ZFYVE28: variants seen among roughly 807,000 people sequenced by gnomAD.
ZFYVE28 encodes the protein zinc finger FYVE-type containing 28, also known as lateral signaling target protein 2 homolog.
A neutral mutation model predicts 82.1 loss-of-function variants in ZFYVE28; 40 were observed. The ratio of observed to expected loss-of-function variants is 0.49; its 90% CI spans 0.38 to 0.63. The LOEUF (loss-of-function observed/expected upper bound fraction) is 0.63. Among genes scored for constraint, ZFYVE28 ranks in the 30% least tolerant of loss-of-function variants. The pLI, the probability that ZFYVE28 is intolerant of heterozygous loss-of-function variation, is 0.00. For missense variants in ZFYVE28, 1,321 were observed against 1,242.1 expected (o/e 1.06, Z -0.96); for synonymous variants, 612 against 546.1 (o/e 1.12, Z -1.68).
At chr4:2,313,521 G>A (rs139652219) in intron 7 of ZFYVE28, among the ~76,000 whole-genome samples, 1,608 of 152,218 alleles carry the variant, frequency 0.011, 35 homozygotes, top group African/African-American at 0.037. Flanking sequence ...GCCTCCCAAA[G>A]TGCTGGGACT....
At chr4:2,299,817 G>T (rs1030315384) in intron 8 of ZFYVE28, among the ~76,000 whole-genome samples, 18 of 151,442 alleles carry the variant, frequency 1.2e-4, no homozygotes, top group South Asian at 2.1e-4. Flanking sequence ...TTTTTAAAAA[G>T]ATAGGGTCTT....
chr4:2,316,840 G>A (rs771907012), intron 7 of ZFYVE28, among the ~76,000 whole-genome samples: 4 of 151,924 alleles, frequency 2.6e-5, no homozygotes, highest in African/African-American at 7.3e-5. Flanking sequence ...CTACAGGTGC[G>A]CACCACCATG....
At position 2,320,384 on chromosome 4, in the gene ZFYVE28, A is replaced by G. The variant is rs1223190355; in HGVS notation, c.702-113T>C. On this transcript the variant is annotated intron_variant, in intron 6 of 12. Transcript: ENST00000290974. The surrounding 1 kb of genome is among the most constrained non-coding windows in gnomAD (Gnocchi z 5.1). Reference sequence around the variant, plus strand: ...ACGCCCGCTGGGACTCTGCAGCGCCACTGTCCCAGCACGGCCGCCGCCTCA... The same window carrying G: ...ACGCCCGCTGGGACTCTGCAGCGCCGCTGTCCCAGCACGGCCGCCGCCTCA... 4.8e-6 allele frequency: 4 copies of G among 833,008 alleles called. No individual in the cohort carries two copies. The highest frequency in any genetic ancestry group is 7.7e-6 in the Non-Finnish European group (4 of 522,588). The allele number at this position is 833,008 out of a possible 1,614,324, so 51.6% of individuals were successfully genotyped here. A position where few individuals can be genotyped will look rare whatever the true frequency, so the allele number is the denominator to read the frequency against.
chr4:2,360,715 T>C (rs1460160882), intron 1 of ZFYVE28, among the ~76,000 whole-genome samples: 1 of 152,086 alleles, frequency 6.6e-6, no homozygotes, highest in East Asian at 1.9e-4. Context: ...AGAAGAAAAT[T>C]TGGGGTACTA....
intron 1 of ZFYVE28, among the ~76,000 whole-genome samples, chr4:2,398,071 T>C (rs1050067473): frequency 6.6e-6 from 1 of 150,698 alleles, no homozygotes; most frequent in Non-Finnish European, 1.5e-5. Flanking sequence ...ATGGAGACAA[T>C]AAGGAGGCAG....
chr4:2,304,355 T>C lies in ZFYVE28; in HGVS notation c.1985A>G (p.Glu662Gly), dbSNP rs769620074. The part of the protein sequence containing the change: ...EAGVAGQQEP[E>G]ARELHAGSPS... ...GCTCCCAGCATGCAGCTCTCTGGCC[T>C]CTGGCTCCTGCTGACCTGCAACCCC... The change falls in exon 8 of 13, where the codon GAG becomes GGG. Residue 662 changes from glutamate (E) to glycine (G), a missense_variant. Physicochemically the swap from Glu to Gly is moderately conservative, Grantham distance 98 (BLOSUM62 -2). This residue lies in a region of ZFYVE28 where 978 missense variants were observed against 833.7 expected (regional missense o/e 1.17). Coordinates refer to ENST00000290974, the MANE Select transcript of ZFYVE28 (RefSeq NM_020972.3). 2 of 1,609,582 alleles carry C rather than the reference T, an allele frequency of 1.2e-6. No homozygotes were observed. Among genetic ancestry groups the C allele is most frequent in the Admixed American group, 1.7e-5 (1 of 60,012 alleles).
intron 8 of ZFYVE28, among the ~76,000 whole-genome samples, chr4:2,298,808 G>A (rs549829157): frequency 1.3e-5 from 2 of 152,172 alleles, no homozygotes; most frequent in Non-Finnish European, 2.9e-5. Flanking sequence ...GTGTCAGGAC[G>A]GCCACAGCCT....
chr4:2,354,633 AT>A (rs1223269946), intron 1 of ZFYVE28, among the ~76,000 whole-genome samples: 1 of 151,748 alleles, frequency 6.6e-6, no homozygotes, highest in Non-Finnish European at 1.5e-5. Context: ...TAATTTTTGT[AT>A]TTTTAGTAGA....
rs371533868 is a variant in ZFYVE28 at position 2,418,268 on chromosome 4, C to T, written c.39+17G>A. 6.5e-7 allele frequency: 1 copy of T among 1,534,492 alleles called. No homozygotes were observed. The highest frequency in any genetic ancestry group is 1.4e-5 in the African/African-American group (1 of 71,622). On this transcript the variant is annotated intron_variant, in intron 1 of 12. Coordinates refer to ENST00000290974, the MANE Select transcript of ZFYVE28 (RefSeq NM_020972.3). This position sits in a 1 kb window ranked among gnomAD's most constrained non-coding sequence, Gnocchi z 4.6. ...GCCGCGACGCGGGGGGCGTCCGGCC[C>T]GAGCGGGGCCGCTCACCTTGGGTTT...
Position 2,409,007 on chromosome 4 carries a change from T to A in ZFYVE28, c.39+9278A>T, listed in dbSNP as rs1005756017. Reference sequence around the variant, plus strand: ...CTCAGTACTTTTAAAAATGTTTTTGTGATTTTATCCAACATGCCTGGGCAT... The same window carrying A: ...CTCAGTACTTTTAAAAATGTTTTTGAGATTTTATCCAACATGCCTGGGCAT... On this transcript the variant is annotated intron_variant, in intron 1 of 12. Coordinates refer to ENST00000290974, the MANE Select transcript of ZFYVE28 (RefSeq NM_020972.3). The surrounding 1 kb of genome is among the most constrained non-coding windows in gnomAD (Gnocchi z 4.4). 2.6e-5 allele frequency among the ~76,000 whole-genome samples: 4 copies of A among 152,190 alleles called. No homozygotes were observed. Among genetic ancestry groups the A allele is most frequent in the African/African-American group, 9.7e-5 (4 of 41,424 alleles).
Position 2,331,003 on chromosome 4 carries a change from G to A in ZFYVE28, c.701+4702C>T, listed in dbSNP as rs1720598672. ...CGGCAACCATCCTGCAGGCCACGTG[G>A]GCGGTGGCTCCTGCACGTGTTCTGG... On this transcript the variant is annotated intron_variant, in intron 6 of 12. Coordinates refer to ENST00000290974, the MANE Select transcript of ZFYVE28 (RefSeq NM_020972.3). The A allele has an allele frequency of 2.6e-6, 4 of 1,534,316 alleles. No individual in the cohort carries two copies. The East Asian group carries it at 9.8e-5, about 38-fold the overall frequency.
At chr4:2,401,735 C>A (rs1731203277) in intron 1 of ZFYVE28, among the ~76,000 whole-genome samples, 1 of 152,186 alleles carries the variant, frequency 6.6e-6, no homozygotes, top group Non-Finnish European at 1.5e-5. Flanking sequence ...CCAAGAACCT[C>A]TATGACCCCC....
chr4:2,341,974 G>A lies in ZFYVE28; in HGVS notation c.181-359C>T, dbSNP rs1359649716. Among the ~76,000 whole-genome samples, 1 of 152,190 alleles carries A rather than the reference G, an allele frequency of 6.6e-6. No individual in the cohort carries two copies. The highest frequency in any genetic ancestry group is 2.4e-5 in the African/African-American group (1 of 41,450). On this transcript the variant is annotated intron_variant, in intron 2 of 12. Transcript: ENST00000290974. The surrounding 1 kb of genome is among the most constrained non-coding windows in gnomAD (Gnocchi z 4.5). ...GGCAGAGGTTGCAGTGAGCCGAGAT[G>A]GTGCCATCGCACTCCAGCCAGGGCA...
At position 2,304,447 on chromosome 4, in the gene ZFYVE28, G is replaced by A. The variant is rs201918050; in HGVS notation, c.1893C>T (p.Ser631=). The change falls in exon 8 of 13, where the codon TCC becomes TCT. Residue 631 remains serine (S), a synonymous_variant. Coordinates refer to ENST00000290974, the MANE Select transcript of ZFYVE28 (RefSeq NM_020972.3). ...SNGREPKAPT[S]DKCLPHTSGS... Reference sequence around the variant, plus strand: ...CTGAGGTGTGAGGCAGGCACTTGTCGGAAGTGGGGGCTTTGGGCTCCCGCC... The same window carrying A: ...CTGAGGTGTGAGGCAGGCACTTGTCAGAAGTGGGGGCTTTGGGCTCCCGCC... 85 of 1,613,644 alleles carry A rather than the reference G, an allele frequency of 5.3e-5. No homozygotes were observed. The Middle Eastern group carries it at 6.6e-4, about 13-fold the overall frequency.
Position 2,374,651 on chromosome 4 carries a change from G to C in ZFYVE28, c.40-20578C>G, listed in dbSNP as rs569841308. On this transcript the variant is annotated intron_variant, in intron 1 of 12. Coordinates refer to ENST00000290974, the MANE Select transcript of ZFYVE28 (RefSeq NM_020972.3). The stretch of plus-strand genomic sequence containing the variant: ...GAAGAAGAAGGAGAAGGAGAAGGAG[G>C]AGGAGGGGGAAAATTGGTTTTTAAG... Among the ~76,000 whole-genome samples the C allele has an allele frequency of 8.6e-5, 13 of 151,288 alleles. No individual in the cohort carries two copies. In the South Asian group the frequency reaches 1.0e-3, roughly 12 times the overall value.
At chr4:2,355,936 G>A (rs896527739) in intron 1 of ZFYVE28, among the ~76,000 whole-genome samples, 1 of 152,190 alleles carries the variant, frequency 6.6e-6, no homozygotes, top group Non-Finnish European at 1.5e-5. Context: ...CAGAGGAGAG[G>A]AGAATATACC....
At chr4:2,334,480 A>C (rs1168190706) in intron 6 of ZFYVE28, among the ~76,000 whole-genome samples, 5 of 149,914 alleles carry the variant, frequency 3.3e-5, no homozygotes, top group Non-Finnish European at 7.4e-5. Flanking sequence ...CTGCACCCCC[A>C]TTTCCCACGG....
Position 2,297,930 on chromosome 4 carries a change from G to A in ZFYVE28, c.2051+6359C>T, listed in dbSNP as rs1327510326. Among the ~76,000 whole-genome samples the A allele has an allele frequency of 4.7e-5, 7 of 147,430 alleles. No homozygotes were observed. The East Asian group carries it at 1.4e-3, about 30-fold the overall frequency. On this transcript the variant is annotated intron_variant, in intron 8 of 12. Transcript: ENST00000290974. The stretch of plus-strand genomic sequence containing the variant: ...GTGACACAGCAGGCTGTGCTGGGAG[G>A]AACAGCAGAGGACGAGCAGTGACAG...
intron 6 of ZFYVE28, chr4:2,329,157 G>A: frequency 1.4e-6 from 1 of 694,114 alleles, no homozygotes; most frequent in African/African-American, 1.7e-5. Flanking sequence ...AAAACAAAAA[G>A]GCCAATGGAG....
Sources: allele counts gnomAD v4.1 joint callset (sites outside exome capture counted in the v4.1 genomes callset), GRCh38; gene constraint gnomAD v4.1.1; regional missense constraint gnomAD v4.1.1; non-coding constraint Gnocchi (gnomAD v3.1); transcripts MANE v1.5; gene names NCBI Gene and HGNC (gene_info 2026-07-23, HGNC 2026-07-21).